Variants in EPHA3 observed in about 807,000 individuals in gnomAD.
EPHA3 encodes the protein ephrin type-A receptor 3.
Under a neutral mutation model 107.1 loss-of-function variants are expected in EPHA3, and 42 were observed. The observed-to-expected ratio is 0.39, with a 90% CI of 0.31 to 0.51. The LOEUF is 0.51. Ranked by LOEUF, EPHA3 falls within the 20% of genes least tolerant of loss-of-function variation. EPHA3 has a pLI of 0.78. For missense variants in EPHA3, 1,183 were observed against 1,211.2 expected (o/e 0.98, Z 0.35); for synonymous variants, 461 against 424.8 (o/e 1.09, Z -1.05).
At position 89,353,102 on chromosome 3, in the gene EPHA3, G is replaced by A. The variant is rs116793832; in HGVS notation, c.1306+11012G>A. 9.3e-4 allele frequency among the ~76,000 whole-genome samples: 140 copies of A among 151,134 alleles called. 2 individuals are homozygous for A. The highest frequency in any genetic ancestry group is 1.7e-3 in the Non-Finnish European group (116 of 67,516). On this transcript the variant is annotated intron_variant, in intron 5 of 16. Transcript: ENST00000336596. The stretch of plus-strand genomic sequence containing the variant: ...AACTCATGTTGAAGATATCAGTCAG[G>A]CTTCAGCATTTCTGAAGAAGCAAAC...
intron 2 of EPHA3, among the ~76,000 whole-genome samples, chr3:89,176,803 A>C (rs1281012383): frequency 6.6e-6 from 1 of 152,228 alleles, no homozygotes; most frequent in Non-Finnish European, 1.5e-5. Context: ...TATCTGTAAT[A>C]TACCATAGGA....
At position 89,479,422 on chromosome 3, in the gene EPHA3, G is replaced by T. The variant is rs762601076; in HGVS notation, c.2872G>T (p.Val958Leu). ...TGACATGAAAAAGGTTGGTGTCACC[G>T]TGGTTGGGCCACAGAAGAAGATCAT... Reference protein sequence around the residue: ...TDDMKKVGVTVVGPQKKIISS... With the variant: ...TDDMKKVGVTLVGPQKKIISS... Residue 958 changes from valine (V) to leucine (L), a missense_variant, in exon 17 of 17, where the codon GTG becomes TTG. By Grantham distance (32) the Val-to-Leu change is conservative. Coordinates refer to ENST00000336596, the MANE Select transcript of EPHA3 (RefSeq NM_005233.6). 1.2e-6 allele frequency: 2 copies of T among 1,614,134 alleles called. No homozygotes were observed. Among genetic ancestry groups the T allele is most frequent in the Non-Finnish European group, 1.7e-6 (2 of 1,179,986 alleles).
intron 3 of EPHA3, among the ~76,000 whole-genome samples, chr3:89,318,987 A>G (rs1706977262): frequency 6.6e-6 from 1 of 151,912 alleles, no homozygotes; most frequent in Non-Finnish European, 1.5e-5. Flanking sequence ...CTTACTTACC[A>G]TATGTTATTC....
Position 89,399,486 on chromosome 3 carries a change from T to A in EPHA3, c.1594+6T>A. The A allele has an allele frequency of 6.2e-7, 1 of 1,613,954 alleles. No homozygotes were observed. Among genetic ancestry groups the A allele is most frequent in the Non-Finnish European group, 8.5e-7 (1 of 1,179,884 alleles). ...GTTTGAAACTAGTCCAGACTGTATG[T>A]ATTATTTCAATGCAGTCTAGAGGAG... is the stretch of plus-strand genomic sequence containing the variant. On this transcript the variant is annotated splice_donor_region_variant and intron_variant, in intron 7 of 16. Coordinates refer to ENST00000336596, the MANE Select transcript of EPHA3 (RefSeq NM_005233.6).
At chr3:89,160,486 T>A (rs1032056840) in intron 2 of EPHA3, among the ~76,000 whole-genome samples, 1 of 151,754 alleles carries the variant, frequency 6.6e-6, no homozygotes, top group African/African-American at 2.4e-5. Flanking sequence ...TAATTATAAA[T>A]AACTGTTCAT....
At chr3:89,143,983 A>G (rs1704484325) in intron 2 of EPHA3, among the ~76,000 whole-genome samples, 1 of 151,626 alleles carries the variant, frequency 6.6e-6, no homozygotes, top group African/African-American at 2.4e-5. Flanking sequence ...GAGTTCACAT[A>G]TATTCCCCAT....
intron 13 of EPHA3, among the ~76,000 whole-genome samples, chr3:89,445,306 T>C (rs1709858917): frequency 6.6e-6 from 1 of 152,196 alleles, no homozygotes; most frequent in Non-Finnish European, 1.5e-5. Flanking sequence ...TCACATCTTC[T>C]TCTAAAGAAA....
chr3:89,342,624 T>C (rs1021363434), intron 5 of EPHA3, among the ~76,000 whole-genome samples: 2 of 152,152 alleles, frequency 1.3e-5, no homozygotes, highest in African/African-American at 4.8e-5. Context: ...CTCAAACATA[T>C]AAATGGATTA....
At chr3:89,209,101 A>G (rs1399055677) in intron 2 of EPHA3, among the ~76,000 whole-genome samples, 1 of 152,214 alleles carries the variant, frequency 6.6e-6, no homozygotes, top group East Asian at 1.9e-4. Flanking sequence ...AGGTTTTTAC[A>G]GTGATAAAAG....
intron 3 of EPHA3, among the ~76,000 whole-genome samples, chr3:89,313,277 T>A (rs2107365030): frequency 6.6e-6 from 1 of 152,100 alleles, no homozygotes; most frequent in South Asian, 2.1e-4. Flanking sequence ...TCTTGATTTT[T>A]AAATTTAATC....
intron 13 of EPHA3, among the ~76,000 whole-genome samples, chr3:89,442,545 G>C (rs567892124): frequency 1.4e-4 from 21 of 152,272 alleles, no homozygotes; most frequent in African/African-American, 5.1e-4. Flanking sequence ...CGGCAGAAGT[G>C]CTGCTAGATA....
At chr3:89,230,931 G>A (rs1199751842) in intron 3 of EPHA3, among the ~76,000 whole-genome samples, 3 of 151,548 alleles carry the variant, frequency 2.0e-5, no homozygotes, top group East Asian at 1.9e-4. Context: ...AGGCATGGTC[G>A]TGCCCATCAT....
At chr3:89,175,657 A>C (rs1559586087) in intron 2 of EPHA3, among the ~76,000 whole-genome samples, 1 of 152,192 alleles carries the variant, frequency 6.6e-6, no homozygotes, top group Non-Finnish European at 1.5e-5. Context: ...TAATATTATT[A>C]AATATTAGTA....
rs138117123 is a variant in EPHA3, at chr3:89,282,376, G to T, written c.815-58540G>T. 9.3e-3 allele frequency among the ~76,000 whole-genome samples: 1,411 copies of T among 152,192 alleles called. 8 individuals carry two copies. Among genetic ancestry groups the T allele is most frequent in the Non-Finnish European group, 0.015 (1,031 of 67,964 alleles). ...TAGCAGATATTTATTCTCCAATATA[G>T]AATTTATCATACTTGTTGATTAATC... On this transcript the variant is annotated intron_variant, in intron 3 of 16. Coordinates refer to ENST00000336596, the MANE Select transcript of EPHA3 (RefSeq NM_005233.6).
At chr3:89,390,693 C>T (rs1190195275) in intron 5 of EPHA3, among the ~76,000 whole-genome samples, 2 of 151,686 alleles carry the variant, frequency 1.3e-5, no homozygotes, top group African/African-American at 2.4e-5. Context: ...GCTGTCATTG[C>T]AGTGGCCTGG....
At chr3:89,123,823 T>C (rs1704026419) in intron 1 of EPHA3, among the ~76,000 whole-genome samples, 2 of 152,342 alleles carry the variant, frequency 1.3e-5, no homozygotes, top group South Asian at 2.1e-4. Context: ...ATATTCCACA[T>C]AGTTTTTTGA....
In EPHA3 at chr3:89,174,287, A is replaced by G. The variant is rs148114192; in HGVS notation, c.154-35573A>G. Among the ~76,000 whole-genome samples, 15 of 152,126 alleles carry G rather than the reference A, an allele frequency of 9.9e-5. No individual in the cohort carries two copies. The East Asian group carries it at 2.9e-3, about 29-fold the overall frequency. On this transcript the variant is annotated intron_variant, in intron 2 of 16. Transcript: ENST00000336596. ...GTATTTGCATAGTAATAAGATTATA[A>G]TATCTGTCTCTAGGAGTGCTTAAGT...
intron 2 of EPHA3, among the ~76,000 whole-genome samples, chr3:89,180,599 C>T (rs1705421147): frequency 6.6e-6 from 1 of 151,880 alleles, no homozygotes; most frequent in South Asian, 2.1e-4. Context: ...AGTATAAGGG[C>T]AGCAGTTTAG....
chr3:89,220,848 C>T (rs1329471202), intron 3 of EPHA3, among the ~76,000 whole-genome samples: 1 of 152,180 alleles, frequency 6.6e-6, no homozygotes, highest in Non-Finnish European at 1.5e-5. Flanking sequence ...ATTAGAGTGG[C>T]TCTTCGATAT....
Sources: gnomAD v4.1 joint callset for allele counts (sites outside exome capture counted in the v4.1 genomes callset) on GRCh38, gnomAD v4.1.1 for gene constraint, MANE v1.5 for transcripts, NCBI Gene and HGNC (gene_info 2026-07-23, HGNC 2026-07-21) for gene names.